IBTK: variants seen among roughly 807,000 people sequenced by gnomAD.
The protein encoded by IBTK is inhibitor of Bruton tyrosine kinase.
A neutral mutation model predicts 154.9 loss-of-function variants in IBTK; 83 were observed. The observed-to-expected ratio is 0.54, with a 90% CI of 0.45 to 0.64. IBTK has a LOEUF of 0.64. Ranked by LOEUF, IBTK falls within the 30% of genes least tolerant of loss-of-function variation. The pLI, the probability that IBTK is intolerant of heterozygous loss-of-function variation, is 0.00. For synonymous variants in IBTK, 515 were observed against 536.1 expected (o/e 0.96, Z 0.54); for missense variants, 1,332 against 1,584.6 (o/e 0.84, Z 2.71).
At chr6:82,233,711 G>GTTTTTTTTTT (rs375746607) in intron 3 of IBTK, among the ~76,000 whole-genome samples, 3 of 122,842 alleles carry the variant, frequency 2.4e-5, no homozygotes, top group Non-Finnish European at 5.0e-5. Flanking sequence ...CATTTGTAAA[G>GTTTTTTTTTT]TTTTTTTTTT....
Position 82,240,216 on chromosome 6 carries a change from G to A in IBTK, c.271C>T (p.His91Tyr). 6.2e-7 allele frequency: 1 copy of A among 1,614,180 alleles called. No individual in the cohort carries two copies. Among genetic ancestry groups the A allele is most frequent in the East Asian group, 2.2e-5 (1 of 44,884 alleles). Residue 91 changes from histidine (H) to tyrosine (Y), a missense_variant, in exon 2 of 29, where the codon CAC (histidine) becomes TAC (tyrosine). By Grantham distance (83) the His-to-Tyr change is moderately conservative. This residue lies in a region of IBTK where 114 missense variants were observed against 213.7 expected (regional missense o/e 0.53). Coordinates refer to ENST00000306270, the MANE Select transcript of IBTK (RefSeq NM_015525.4). ...ATATGTCCATAAAAAATGCTTCTGTGCAATGCTGTCCATCCAGACTCTTTG... is the reference window on the plus strand; with the variant it reads ...ATATGTCCATAAAAAATGCTTCTGTACAATGCTGTCCATCCAGACTCTTTG... Reference protein sequence around the residue: ...KDKESGWTALHRSIFYGHIDC... With the variant: ...KDKESGWTALYRSIFYGHIDC...
chr6:82,244,944 G>A (rs1041673572), intron 1 of IBTK, among the ~76,000 whole-genome samples: 25 of 151,928 alleles, frequency 1.6e-4, no homozygotes, highest in African/African-American at 6.0e-4. Flanking sequence ...ACAAGGCATT[G>A]GGAATACAAA....
chr6:82,226,494 T>C (rs1770302825), intron 5 of IBTK, among the ~76,000 whole-genome samples: 1 of 142,076 alleles, frequency 7.0e-6, no homozygotes, highest in South Asian at 2.3e-4. Context: ...GACTACATAA[T>C]GAAAATACTG....
At chr6:82,174,342 T>G (rs1241958175) in intron 26 of IBTK, among the ~76,000 whole-genome samples, 4 of 152,034 alleles carry the variant, frequency 2.6e-5, no homozygotes, top group African/African-American at 9.7e-5. Flanking sequence ...AAAATATACT[T>G]AAGCAATGAT....
rs1391796038 is a variant in IBTK, at chr6:82,170,400, A to G, written c.*1025T>C. 1.3e-5 allele frequency: 2 copies of G among 152,378 alleles called. No homozygotes were observed. The highest frequency in any genetic ancestry group is 4.8e-5 in the African/African-American group (2 of 41,470). 9.4% of individuals were successfully genotyped at this position (152,378 alleles called of 1,614,324 possible). On this transcript the variant is annotated 3_prime_UTR_variant, in exon 29 of 29. Coordinates refer to ENST00000306270, the MANE Select transcript of IBTK (RefSeq NM_015525.4). ...CTCCCAGGCTTACCTTCCAGAAACTAGAACATTAACCTTTCCAATTTATCT... is the reference window on the plus strand; with the variant it reads ...CTCCCAGGCTTACCTTCCAGAAACTGGAACATTAACCTTTCCAATTTATCT...
chr6:82,221,599 C>T (rs1770103323), intron 8 of IBTK, among the ~76,000 whole-genome samples: 1 of 151,968 alleles, frequency 6.6e-6, no homozygotes, highest in South Asian at 2.1e-4. Flanking sequence ...TGACTGTCCT[C>T]CCTTTTAAAT....
chr6:82,202,332 C>T (rs944839187), intron 18 of IBTK, among the ~76,000 whole-genome samples, 196 bp downstream of exon 18: 1 of 152,098 alleles, frequency 6.6e-6, no homozygotes, highest in Non-Finnish European at 1.5e-5. Flanking sequence ...TTAAAAAGAT[C>T]ACTGTTAAAA....
chr6:82,247,063 CT>C (rs375336283), intron 1 of IBTK, among the ~76,000 whole-genome samples: 1 of 152,066 alleles, frequency 6.6e-6, no homozygotes, highest in Admixed American at 6.6e-5. Context: ...TCTCTCAACC[CT>C]CCACCCTCCA....
At chr6:82,178,097 C>T (rs927190857) in intron 26 of IBTK, among the ~76,000 whole-genome samples, 1 of 152,118 alleles carries the variant, frequency 6.6e-6, no homozygotes, top group East Asian at 1.9e-4. Context: ...GAAAAAAACC[C>T]TGAAACTCAA....
chr6:82,214,947 T>C, intron 11 of IBTK, 118 bp from the exon 12 acceptor site: 2 of 1,091,076 alleles, frequency 1.8e-6, no homozygotes, highest in Non-Finnish European at 1.3e-6. Flanking sequence ...AAATTTTAAA[T>C]TTGGCATTTC....
At chr6:82,212,143 C>T (rs1208928332) in intron 13 of IBTK, among the ~76,000 whole-genome samples, 2 of 152,022 alleles carry the variant, frequency 1.3e-5, no homozygotes, top group South Asian at 4.2e-4. Context: ...CACAGGCACC[C>T]GCCACTATGC....
At position 82,240,468 on chromosome 6, in the gene IBTK, C is replaced by A; in HGVS notation, c.19G>T (p.Asp7Tyr). Reference sequence around the variant, plus strand: ...AGGGATCGACACTTTGATGTGCAGTCAGGCATGGGTGAACTCATCCTAACT... The same window carrying A: ...AGGGATCGACACTTTGATGTGCAGTAAGGCATGGGTGAACTCATCCTAACT... MSSPMP[D>Y]CTSKCRSLKH... The change falls in exon 2 of 29, where the codon GAC becomes TAC. Residue 7 changes from aspartate (D) to tyrosine (Y), a missense_variant. Physicochemically the swap from Asp to Tyr is radical, Grantham distance 160 (BLOSUM62 -3). Around this residue, in one of 3 missense-constraint regions of IBTK, gnomAD observed 84 missense variants for 96.2 expected, o/e 0.87. Transcript: ENST00000306270. 6.2e-7 allele frequency: 1 copy of A among 1,613,168 alleles called. No individual in the cohort carries two copies. Among genetic ancestry groups the A allele is most frequent in the South Asian group, 1.1e-5 (1 of 91,058 alleles).
At chr6:82,206,629 A>G (rs1769423423) in intron 16 of IBTK, among the ~76,000 whole-genome samples, 3 of 152,184 alleles carry the variant, frequency 2.0e-5, no homozygotes. Flanking sequence ...GATTCTAAAA[A>G]CAGACAGGGA....
chr6:82,211,291 T>C, intron 15 of IBTK, 76 bp downstream of exon 15: 1 of 1,166,774 alleles, frequency 8.6e-7, no homozygotes, highest in Admixed American at 2.5e-5. Flanking sequence ...TGATTTTGAA[T>C]TTCTTTACTA....
chr6:82,213,348 G>C (rs544519751), intron 12 of IBTK, among the ~76,000 whole-genome samples: 1 of 152,030 alleles, frequency 6.6e-6, no homozygotes, highest in African/African-American at 2.4e-5. Flanking sequence ...TTTTTAAACA[G>C]GAAACACGAT....
intron 16 of IBTK, among the ~76,000 whole-genome samples, chr6:82,210,008 C>T (rs1432360888): frequency 6.6e-6 from 1 of 152,070 alleles, no homozygotes; most frequent in African/African-American, 2.4e-5. Flanking sequence ...ATTTTTATCC[C>T]CAGTATACAG....
Position 82,171,686 on chromosome 6 carries a change from G to A in IBTK, c.3931-130C>T, listed in dbSNP as rs899989117. 9.2e-6 allele frequency: 7 copies of A among 758,330 alleles called. No homozygotes were observed. The African/African-American group carries it at 1.1e-4, about 12-fold the overall frequency. 47.0% of individuals were successfully genotyped at this position (758,330 alleles called of 1,614,324 possible). A position where few individuals can be genotyped will look rare whatever the true frequency, so the allele number is the denominator to read the frequency against. ...ATACAATACAGTGAAATTAAATCAG[G>A]TATCCTGCATTTTAAATCAGGTATC... is the stretch of plus-strand genomic sequence containing the variant. On this transcript the variant is annotated intron_variant, in intron 28 of 28. Coordinates refer to ENST00000306270, the MANE Select transcript of IBTK (RefSeq NM_015525.4).
intron 2 of IBTK, among the ~76,000 whole-genome samples, chr6:82,238,547 C>T (rs1270143867): frequency 6.6e-6 from 1 of 151,950 alleles, no homozygotes; most frequent in African/African-American, 2.4e-5. Flanking sequence ...AAGTGATTCT[C>T]CTGCCTCAGC....
At chr6:82,241,780 T>G (rs1211032809) in intron 1 of IBTK, among the ~76,000 whole-genome samples, 3 of 152,248 alleles carry the variant, frequency 2.0e-5, no homozygotes, top group African/African-American at 4.8e-5. Flanking sequence ...CTTTTAGATC[T>G]TCCTTAATGT....
Sources: allele counts gnomAD v4.1 joint callset (sites outside exome capture counted in the v4.1 genomes callset), GRCh38; gene constraint gnomAD v4.1.1; regional missense constraint gnomAD v4.1.1; transcripts MANE v1.5; gene names NCBI Gene and HGNC (gene_info 2026-07-23, HGNC 2026-07-21).